The following RAD54L2 variants were observed in gnomAD, a reference collection of about 807,000 sequenced individuals.
RAD54L2 encodes RAD54 like 2.
Under a neutral mutation model 138.4 loss-of-function variants are expected in RAD54L2, and 27 were observed. That is an observed-to-expected ratio of 0.20 (90% confidence interval 0.14 to 0.27). RAD54L2 has a LOEUF of 0.27. Ranked by LOEUF, RAD54L2 falls within the 10% of genes least tolerant of loss-of-function variation. The probability of loss-of-function intolerance (pLI) is 1.00; values close to 1 mark genes in which losing one functional copy is unlikely to be tolerated. For synonymous variants in RAD54L2, 644 were observed against 723.2 expected (o/e 0.89, Z 1.76); for missense variants, 1,396 against 1,890.2 (o/e 0.74, Z 4.85).
chr3:51,635,366 T>C (rs888369854), intron 9 of RAD54L2, among the ~76,000 whole-genome samples: 7 of 152,250 alleles, frequency 4.6e-5, no homozygotes, highest in Admixed American at 2.6e-4. Context: ...CCACCATCAA[T>C]GATCCAGTTC....
chr3:51,620,407 C>CTTTTTTT (rs60585256), intron 3 of RAD54L2, among the ~76,000 whole-genome samples: 9 of 82,538 alleles, frequency 1.1e-4, no homozygotes, highest in East Asian at 3.6e-4. Context: ...TCCTACTGGT[C>CTTTTTTT]TTTTTTTTTT....
chr3:51,585,519 G>C (rs1699690715), intron 2 of RAD54L2, among the ~76,000 whole-genome samples: 1 of 152,124 alleles, frequency 6.6e-6, no homozygotes, highest in South Asian at 2.1e-4. Flanking sequence ...ACCTTGCCAT[G>C]CCTCATGTCT....
intron 22 of RAD54L2, among the ~76,000 whole-genome samples, chr3:51,660,778 C>A (rs1234245374): frequency 6.6e-6 from 1 of 151,784 alleles, no homozygotes; most frequent in East Asian, 1.9e-4. Context: ...CATGCCACCA[C>A]GCCCAGCTAA....
chr3:51,547,493 ATAG>A (rs1698726792), intron 2 of RAD54L2, among the ~76,000 whole-genome samples: 1 of 151,992 alleles, frequency 6.6e-6, no homozygotes, highest in Non-Finnish European at 1.5e-5. Flanking sequence ...AGTACCATCA[ATAG>A]TAGGCGGAAA....
chr3:51,588,701 G>A (rs577807147), intron 2 of RAD54L2, among the ~76,000 whole-genome samples: 14 of 152,196 alleles, frequency 9.2e-5, no homozygotes, highest in Admixed American at 9.2e-4. Context: ...CCCTCACGAA[G>A]GAATGGCCTT....
At chr3:51,642,747 T>C (rs1701172432) in intron 15 of RAD54L2, among the ~76,000 whole-genome samples, 1 of 152,084 alleles carries the variant, frequency 6.6e-6, no homozygotes, top group African/African-American at 2.4e-5. Flanking sequence ...TAGAAGGATT[T>C]AGAGAACTGG....
At chr3:51,552,819 C>T (rs1202635228) in intron 2 of RAD54L2, among the ~76,000 whole-genome samples, 1 of 151,990 alleles carries the variant, frequency 6.6e-6, no homozygotes, top group East Asian at 1.9e-4. Flanking sequence ...CTTGGCCTCC[C>T]CAAGTGTTGG....
In RAD54L2 at chr3:51,545,931, CTTTTTTTTTTTTT is replaced by C. The variant is rs781819728; in HGVS notation, c.-55+4293_-55+4305del. ...AAGGTTATCAAAGCCTACATCAATT[CTTTTTTTTTTTTT>C]TTTTTTTTTTTGGAGATGGCGTCTC... On this transcript the variant is annotated intron_variant, in intron 2 of 22. Transcript: ENST00000684192. Among the ~76,000 whole-genome samples, 36 of 79,456 alleles carry C rather than the reference CTTTTTTTTTTTTT, an allele frequency of 4.5e-4. 1 individual carries two copies. Among genetic ancestry groups the C allele is most frequent in the African/African-American group, 1.7e-3 (33 of 19,556 alleles). The allele number at this position is 79,456 out of a possible 152,430, so 52.1% of individuals were successfully genotyped here.
At chr3:51,542,604 C>T (rs1424347295) in intron 2 of RAD54L2, among the ~76,000 whole-genome samples, 1 of 152,116 alleles carries the variant, frequency 6.6e-6, no homozygotes, top group South Asian at 2.1e-4. Context: ...GCTGGGACTA[C>T]AGGCGCCTGC....
chr3:51,584,837 G>T (rs1699678997), intron 2 of RAD54L2, among the ~76,000 whole-genome samples: 1 of 151,214 alleles, frequency 6.6e-6, no homozygotes, highest in African/African-American at 2.4e-5. Flanking sequence ...TTCGAGACTG[G>T]CTCTGTTACC....
chr3:51,643,825 A>G, intron 15 of RAD54L2, 50 bp from the exon 16 acceptor site: 1 of 1,389,704 alleles, frequency 7.2e-7, no homozygotes. Context: ...ATTTTGCTGT[A>G]TATCCTTGCT....
chr3:51,555,043 A>G (rs1698930992), intron 2 of RAD54L2, among the ~76,000 whole-genome samples: 1 of 151,974 alleles, frequency 6.6e-6, no homozygotes, highest in South Asian at 2.1e-4. Flanking sequence ...GGGTTTTGCC[A>G]TGTTGACCAG....
intron 3 of RAD54L2, among the ~76,000 whole-genome samples, chr3:51,607,041 T>C (rs910395011): frequency 2.7e-5 from 4 of 148,558 alleles, no homozygotes; most frequent in Admixed American, 6.7e-5. Flanking sequence ...TTAAAAGATA[T>C]CTAACTTTTT....
At chr3:51,597,795 T>G (rs1359056327) in intron 3 of RAD54L2, among the ~76,000 whole-genome samples, 1 of 151,976 alleles carries the variant, frequency 6.6e-6, no homozygotes, top group Non-Finnish European at 1.5e-5. Context: ...GCCATTGCAC[T>G]CCAGCCTGGG....
chr3:51,602,995 ATTT>A (rs1336963778), intron 3 of RAD54L2, among the ~76,000 whole-genome samples: 1 of 152,028 alleles, frequency 6.6e-6, no homozygotes, highest in African/African-American at 2.4e-5. Flanking sequence ...ACTCCAGCTA[ATTT>A]TTAAAAAACT....
chr3:51,550,675 A>G (rs1285324561), intron 2 of RAD54L2, among the ~76,000 whole-genome samples: 1 of 152,192 alleles, frequency 6.6e-6, no homozygotes, highest in East Asian at 1.9e-4. Flanking sequence ...TGGGAGGTAG[A>G]GGATGCAGTG....
intron 2 of RAD54L2, among the ~76,000 whole-genome samples, chr3:51,545,323 C>G (rs1698663123): frequency 6.6e-6 from 1 of 152,064 alleles, no homozygotes; most frequent in African/African-American, 2.4e-5. Context: ...TCCTGAGCAG[C>G]TGGGATTACA....
intron 3 of RAD54L2, among the ~76,000 whole-genome samples, chr3:51,613,938 A>G (rs184795637): frequency 1.1e-3 from 166 of 152,268 alleles, no homozygotes; most frequent in African/African-American, 3.9e-3. Flanking sequence ...TCAGGATGCT[A>G]CTACTGGAAT....
chr3:51,603,712 G>A (rs1276084457), intron 3 of RAD54L2, among the ~76,000 whole-genome samples: 2 of 152,112 alleles, frequency 1.3e-5, no homozygotes, highest in Non-Finnish European at 2.9e-5. Flanking sequence ...TGGGGTAGAG[G>A]TGGGGTCTTG....
Sources: allele counts gnomAD v4.1 joint callset (sites outside exome capture counted in the v4.1 genomes callset), GRCh38; gene constraint gnomAD v4.1.1; transcripts MANE v1.5; gene names NCBI Gene and HGNC (gene_info 2026-07-23, HGNC 2026-07-21).